The following NRXN1 variants were observed in gnomAD, a reference collection of about 807,000 sequenced individuals.
NRXN1 encodes the protein neurexin-1.
NRXN1 carries 39 observed loss-of-function variants against 150.9 expected under a neutral mutation model. The observed-to-expected ratio is 0.26, with a 90% CI of 0.20 to 0.34. The LOEUF (loss-of-function observed/expected upper bound fraction) is 0.34. Among genes scored for constraint, NRXN1 ranks in the 10% least tolerant of loss-of-function variants. NRXN1 has a pLI of 1.00. For missense variants in NRXN1, 1,815 were observed against 1,949.9 expected (o/e 0.93, Z 1.30); for synonymous variants, 924 against 757.0 (o/e 1.22, Z -3.62).
At chr2:50,049,508 T>C (rs960672172) in intron 21 of NRXN1, among the ~76,000 whole-genome samples, 1 of 152,162 alleles carries the variant, frequency 6.6e-6, no homozygotes, top group Non-Finnish European at 1.5e-5. Context: ...TCATGCTCTT[T>C]CCATTATACT....
intron 5 of NRXN1, among the ~76,000 whole-genome samples, chr2:50,816,716 G>T (rs17569611): frequency 0.014 from 2,160 of 152,154 alleles, 38 homozygotes; most frequent in Non-Finnish European, 0.022. Context: ...AAAAGATTCT[G>T]GCCCTGATGC....
intron 18 of NRXN1, among the ~76,000 whole-genome samples, chr2:50,172,070 T>G (rs902462099): frequency 6.6e-6 from 1 of 152,118 alleles, no homozygotes; most frequent in Admixed American, 6.6e-5. Context: ...AATATGAGAA[T>G]GTTTCTGCAG....
chr2:50,153,945 C>T (rs1558987466), intron 18 of NRXN1, among the ~76,000 whole-genome samples: 1 of 151,590 alleles, frequency 6.6e-6, no homozygotes, highest in African/African-American at 2.4e-5. Flanking sequence ...TGCATGCAAG[C>T]CTAACACAGT....
chr2:50,186,975 T>C (rs1173472190), intron 18 of NRXN1, among the ~76,000 whole-genome samples: 2 of 152,118 alleles, frequency 1.3e-5, no homozygotes, highest in South Asian at 4.1e-4. Flanking sequence ...AGATGGTTCC[T>C]GGCATTAAAC....
In NRXN1 at chr2:50,346,239, C is replaced by G. The variant is rs187320177; in HGVS notation, c.3365-109269G>C. ...GCTGGAATCTCTCCCTCCCCGCCCC[C>G]CGGGGCCAGGGAAGATGGGCAGGAG... On this transcript the variant is annotated intron_variant, in intron 17 of 22. Transcript: ENST00000401669. The surrounding 1 kb of genome is among the most constrained non-coding windows in gnomAD (Gnocchi z 5.0). 5.3e-5 allele frequency among the ~76,000 whole-genome samples: 8 copies of G among 152,302 alleles called. No individual in the cohort carries two copies. The East Asian group carries it at 1.4e-3, about 26-fold the overall frequency.
intron 5 of NRXN1, among the ~76,000 whole-genome samples, chr2:50,746,559 A>AAACAACAAC (rs77543976): frequency 1.2e-4 from 18 of 149,064 alleles, no homozygotes; most frequent in African/African-American, 2.0e-4. Flanking sequence ...CCCTGTCTCA[A>AAACAACAAC]AACAACAACA....
At position 50,091,507 on chromosome 2, in the gene NRXN1, AG is replaced by A; in HGVS notation, c.3547-14del. The stretch of plus-strand genomic sequence containing the variant: ...TTTTTCCCTGGTGCTGTAAGAGAGG[AG>A]GGGAAAAAAGAGTTGAATTAAGTTG... On this transcript the variant is annotated splice_polypyrimidine_tract_variant and intron_variant, in intron 18 of 22. Transcript: ENST00000401669. 1 of 1,613,740 alleles carries A rather than the reference AG, an allele frequency of 6.2e-7. No individual in the cohort carries two copies. Among genetic ancestry groups the A allele is most frequent in the Non-Finnish European group, 8.5e-7 (1 of 1,179,776 alleles).
chr2:50,731,496 A>C (rs1206566819), intron 5 of NRXN1, among the ~76,000 whole-genome samples: 1 of 152,236 alleles, frequency 6.6e-6, no homozygotes, highest in Non-Finnish European at 1.5e-5. Context: ...AAATAAAGTG[A>C]GGGATGGAGA....
intron 5 of NRXN1, among the ~76,000 whole-genome samples, chr2:50,741,531 T>C (rs1025439935): frequency 6.6e-6 from 1 of 152,206 alleles, no homozygotes; most frequent in African/African-American, 2.4e-5. Context: ...TCTATTATAA[T>C]GAATACAATT....
At chr2:50,163,837 G>T (rs557203434) in intron 18 of NRXN1, among the ~76,000 whole-genome samples, 1 of 152,114 alleles carries the variant, frequency 6.6e-6, no homozygotes, top group Non-Finnish European at 1.5e-5. Flanking sequence ...TGGATTTTCA[G>T]GGCTGAACCA....
intron 17 of NRXN1, among the ~76,000 whole-genome samples, chr2:50,364,587 G>A (rs924780055): frequency 6.6e-6 from 1 of 152,016 alleles, no homozygotes; most frequent in Non-Finnish European, 1.5e-5. Flanking sequence ...TATAATCACA[G>A]TTGTCCAATT....
intron 2 of NRXN1, among the ~76,000 whole-genome samples, chr2:51,013,238 G>A (rs1282198712): frequency 6.6e-6 from 1 of 152,026 alleles, no homozygotes; most frequent in Non-Finnish European, 1.5e-5. Context: ...GCAATCCACT[G>A]TGTAAAGAGG....
intron 5 of NRXN1, among the ~76,000 whole-genome samples, chr2:50,846,855 G>GT (rs1392543702): frequency 1.3e-5 from 2 of 152,094 alleles, no homozygotes; most frequent in Non-Finnish European, 2.9e-5. Flanking sequence ...TTTTACAGAA[G>GT]TTTTTTGTGG....
chr2:50,800,092 A>AT (rs1707377540), intron 5 of NRXN1, among the ~76,000 whole-genome samples: 1 of 152,084 alleles, frequency 6.6e-6, no homozygotes, highest in Non-Finnish European at 1.5e-5. Context: ...TTCGTGACAT[A>AT]CTCTTTGGCC....
intron 5 of NRXN1, among the ~76,000 whole-genome samples, chr2:50,694,843 G>C (rs1375444277): frequency 1.3e-5 from 2 of 152,112 alleles, no homozygotes; most frequent in African/African-American, 2.4e-5. Context: ...CTACATTTTA[G>C]CAATAGTCTT....
chr2:51,021,168 T>C (rs1456220888), intron 2 of NRXN1, among the ~76,000 whole-genome samples: 3 of 151,968 alleles, frequency 2.0e-5, no homozygotes, highest in Admixed American at 6.6e-5. Context: ...TTAAAAAATA[T>C]AAAAATAATT....
At chr2:50,952,533 T>C (rs954770724) in intron 2 of NRXN1, among the ~76,000 whole-genome samples, 1 of 152,194 alleles carries the variant, frequency 6.6e-6, no homozygotes, top group Non-Finnish European at 1.5e-5. Flanking sequence ...TAGGCACAGC[T>C]GTAGGTGTTG....
At chr2:50,263,057 A>G (rs1462739583) in intron 17 of NRXN1, among the ~76,000 whole-genome samples, 1 of 151,904 alleles carries the variant, frequency 6.6e-6, no homozygotes, top group East Asian at 1.9e-4. Flanking sequence ...TACTCCACAC[A>G]CTGGCTGAAT....
In NRXN1 at chr2:49,991,463, AC is replaced by A. The variant is rs772873673; in HGVS notation, c.4129-47673del. Among the ~76,000 whole-genome samples, 8 of 152,290 alleles carry A rather than the reference AC, an allele frequency of 5.3e-5. No homozygotes were observed. In the South Asian group the frequency reaches 6.2e-4, roughly 12 times the overall value. ...ACAAGTAATATTCAAAATAAAAAAA[AC>A]ATAATAACATTTACATTAGCACCCC... On this transcript the variant is annotated intron_variant, in intron 21 of 22. Coordinates refer to ENST00000401669, the MANE Select transcript of NRXN1 (RefSeq NM_001330078.2).
Sources: allele counts gnomAD v4.1 joint callset (sites outside exome capture counted in the v4.1 genomes callset), GRCh38; gene constraint gnomAD v4.1.1; non-coding constraint Gnocchi (gnomAD v3.1); transcripts MANE v1.5; gene names NCBI Gene and HGNC (gene_info 2026-07-23, HGNC 2026-07-21).